PATJ: variants seen among roughly 807,000 people sequenced by gnomAD.
The protein encoded by PATJ is PATJ crumbs cell polarity complex component, also known as inaD-like protein.
A neutral mutation model predicts 224.9 loss-of-function variants in PATJ; 190 were observed. That is an observed-to-expected ratio of 0.84 (90% CI 0.75 to 0.95). PATJ has a LOEUF of 0.95. Among genes scored for constraint, PATJ ranks in the 40% least tolerant of loss-of-function variants. PATJ has a pLI of 0.00. For synonymous variants in PATJ, 769 were observed against 820.3 expected (o/e 0.94, Z 1.07); for missense variants, 2,121 against 2,270.3 (o/e 0.93, Z 1.34).
chr1:61,762,459 G>A (rs1458313206), intron 1 of PATJ, among the ~76,000 whole-genome samples: 1 of 152,076 alleles, frequency 6.6e-6, no homozygotes, highest in Non-Finnish European at 1.5e-5. Context: ...TAAAAATGCT[G>A]TAAACTTTCA....
chr1:62,147,431 G>A (rs569980999), intron 41 of PATJ, among the ~76,000 whole-genome samples: 4 of 152,198 alleles, frequency 2.6e-5, no homozygotes, highest in African/African-American at 7.2e-5. Flanking sequence ...ATATCGAGAC[G>A]GGCGGATCAC....
chr1:62,053,895 A>G (rs1654089226), intron 31 of PATJ, among the ~76,000 whole-genome samples: 1 of 152,170 alleles, frequency 6.6e-6, no homozygotes, highest in Non-Finnish European at 1.5e-5. Context: ...CATTCAACAA[A>G]TATTTGCCAA....
intron 27 of PATJ, among the ~76,000 whole-genome samples, chr1:61,937,284 G>T (rs145105380): frequency 6.6e-6 from 1 of 152,252 alleles, no homozygotes; most frequent in African/African-American, 2.4e-5. Flanking sequence ...CCAGGCTAGA[G>T]TGCAGTGGCA....
chr1:62,036,078 G>T (rs1252706117), intron 29 of PATJ, among the ~76,000 whole-genome samples: 1 of 152,068 alleles, frequency 6.6e-6, no homozygotes, highest in Non-Finnish European at 1.5e-5. Context: ...AGAGATGGGG[G>T]CTGGGACCTC....
intron 27 of PATJ, among the ~76,000 whole-genome samples, chr1:61,952,727 A>G (rs1679898227): frequency 6.6e-6 from 1 of 152,190 alleles, no homozygotes; most frequent in Non-Finnish European, 1.5e-5. Context: ...TTCATGCTGT[A>G]TTCTCTCCTT....
intron 1 of PATJ, among the ~76,000 whole-genome samples, chr1:61,758,711 G>A (rs1645790693): frequency 6.6e-6 from 1 of 152,138 alleles, no homozygotes; most frequent in South Asian, 2.1e-4. Context: ...TTTTTGCTTT[G>A]GATTAACAAA....
At chr1:62,037,274 C>T (rs753063336) in intron 29 of PATJ, among the ~76,000 whole-genome samples, 50 of 152,020 alleles carry the variant, frequency 3.3e-4, no homozygotes, top group Non-Finnish European at 3.4e-4. Flanking sequence ...TCATTATCTC[C>T]CACAGACCAC....
chr1:61,944,209 T>C (rs1056189802), intron 27 of PATJ, among the ~76,000 whole-genome samples: 1 of 152,164 alleles, frequency 6.6e-6, no homozygotes, highest in Admixed American at 6.5e-5. Flanking sequence ...GGAACAAAGC[T>C]GGACAGAGAA....
At chr1:61,835,618 A>T (rs1259887081) in intron 17 of PATJ, among the ~76,000 whole-genome samples, 9 of 151,798 alleles carry the variant, frequency 5.9e-5, no homozygotes, top group African/African-American at 2.2e-4. Flanking sequence ...TGGCCAGGCT[A>T]GTCTCGAACC....
rs1267907122 is a variant in PATJ at position 61,989,298 on chromosome 1, G to A, written c.3671-870G>A. On this transcript the variant is annotated intron_variant, in intron 27 of 43. Transcript: ENST00000642238. ...GTTGTTTAATTTTCTCAACATCCAT[G>A]AAATGGATAGTAACAATTTACAGAT... Among the ~76,000 whole-genome samples the A allele has an allele frequency of 3.9e-5, 6 of 152,280 alleles. No homozygotes were observed. The East Asian group carries it at 1.2e-3, about 29-fold the overall frequency.
intron 30 of PATJ, among the ~76,000 whole-genome samples, chr1:62,047,312 A>G (rs1202542307): frequency 6.6e-6 from 1 of 152,184 alleles, no homozygotes; most frequent in African/African-American, 2.4e-5. Flanking sequence ...GCTGGAGTGC[A>G]GTGGCGTGAT....
At chr1:62,123,892 A>T (rs1665400298) in intron 39 of PATJ, among the ~76,000 whole-genome samples, 1 of 151,964 alleles carries the variant, frequency 6.6e-6, no homozygotes. Context: ...ATCATGAGTA[A>T]CTTCCTCAGG....
intron 7 of PATJ, among the ~76,000 whole-genome samples, chr1:61,776,041 T>C (rs1054995809): frequency 7.2e-5 from 11 of 152,222 alleles, no homozygotes; most frequent in African/African-American, 2.4e-4. Flanking sequence ...TATAAATTTA[T>C]CCCTTTTGAT....
intron 4 of PATJ, among the ~76,000 whole-genome samples, chr1:61,768,244 C>T (rs982642907): frequency 1.6e-4 from 24 of 151,658 alleles, no homozygotes; most frequent in East Asian, 6.0e-4. Flanking sequence ...CCAAGGCAGG[C>T]GGATCACGAG....
chr1:61,939,344 C>CACACACACAG (rs1414528096), intron 27 of PATJ, among the ~76,000 whole-genome samples: 5 of 107,470 alleles, frequency 4.7e-5, no homozygotes, highest in Non-Finnish European at 9.1e-5. Context: ...CACACACACA[C>CACACACACAG]AGTCAGAAGA....
chr1:61,838,986 TA>T (rs1024951130), intron 17 of PATJ, among the ~76,000 whole-genome samples: 1 of 152,170 alleles, frequency 6.6e-6, no homozygotes, highest in Non-Finnish European at 1.5e-5. Context: ...ATGAAAGAGA[TA>T]CTCTTATTGT....
Position 61,900,411 on chromosome 1 carries a change from AG to A in PATJ, c.3203+758del, listed in dbSNP as rs571951670. On this transcript the variant is annotated intron_variant, in intron 23 of 43. Transcript: ENST00000642238. ...TTTAAATAATGACACGGAGGTAGGA[AG>A]AAAACAAAACCTTCTGGCCTTAGGA... Among the ~76,000 whole-genome samples the A allele has an allele frequency of 3.2e-4, 49 of 152,298 alleles. 1 individual carries two copies. In the South Asian group the frequency reaches 9.7e-3, roughly 30 times the overall value.
chr1:62,141,825 C>T (rs1667535513), intron 41 of PATJ, among the ~76,000 whole-genome samples: 1 of 152,068 alleles, frequency 6.6e-6, no homozygotes, highest in South Asian at 2.1e-4. Flanking sequence ...AAAAAATTAG[C>T]TGGGCGTGGT....
intron 43 of PATJ, among the ~76,000 whole-genome samples, chr1:62,158,407 T>C (rs1570874368): frequency 6.9e-6 from 1 of 145,806 alleles, no homozygotes; most frequent in Non-Finnish European, 1.5e-5. Context: ...CTGAGGCAGG[T>C]GGATCACCTG....
Sources: allele counts gnomAD v4.1 joint callset (sites outside exome capture counted in the v4.1 genomes callset), GRCh38; gene constraint gnomAD v4.1.1; transcripts MANE v1.5; gene names NCBI Gene and HGNC (gene_info 2026-07-23, HGNC 2026-07-21).